Variants in CHN2 observed in about 807,000 individuals in gnomAD.
The protein encoded by CHN2 is beta-chimaerin.
A neutral mutation model predicts 56.3 loss-of-function variants in CHN2; 35 were observed. The observed-to-expected ratio is 0.62, with a 90% CI of 0.47 to 0.82. The LOEUF is 0.82. CHN2 is among the 40% of genes least tolerant of loss of function. The pLI is 0.00. For missense variants in CHN2, 491 were observed against 580.5 expected (o/e 0.85, Z 1.58); for synonymous variants, 210 against 212.8 (o/e 0.99, Z 0.12).
chr7:29,479,873 G>T, intron 6 of CHN2: 7 of 1,384,578 alleles, frequency 5.1e-6, no homozygotes, highest in Non-Finnish European at 6.5e-6. Context: ...GTTTGCTATT[G>T]TTCCAGGCGC....
chr7:29,422,419 TCTGA>T (rs1171897512), intron 6 of CHN2, among the ~76,000 whole-genome samples: 1 of 152,200 alleles, frequency 6.6e-6, no homozygotes, highest in Non-Finnish European at 1.5e-5. Flanking sequence ...AAATGAAGTC[TCTGA>T]CTGTGATGTT....
In CHN2 at chr7:29,253,315, C is replaced by T. The variant is rs1179500410; in HGVS notation, c.49+58325C>T. ...GCTGCCCTACCTACAGCCTCACTTG[C>T]TCATTCCAGCAGAAAGAAGTGTCAA... On this transcript the variant is annotated intron_variant, in intron 1 of 12. Coordinates refer to ENST00000222792, the MANE Select transcript of CHN2 (RefSeq NM_004067.4). Among the ~76,000 whole-genome samples the T allele has an allele frequency of 2.0e-5, 3 of 152,342 alleles. No homozygotes were observed. The East Asian group carries it at 5.8e-4, about 29-fold the overall frequency.
chr7:29,365,739 G>A (rs1014895749), intron 2 of CHN2, among the ~76,000 whole-genome samples: 1 of 152,182 alleles, frequency 6.6e-6, no homozygotes, highest in African/African-American at 2.4e-5. Context: ...GAAGGAGACA[G>A]GCAAAAGCAT....
At chr7:29,323,818 A>G (rs1347232902) in intron 1 of CHN2, among the ~76,000 whole-genome samples, 1 of 122,022 alleles carries the variant, frequency 8.2e-6, no homozygotes, top group Non-Finnish European at 1.7e-5. Context: ...TAACATGGTG[A>G]AACCCCGTTT....
intron 6 of CHN2, among the ~76,000 whole-genome samples, chr7:29,443,343 G>A (rs900765480): frequency 2.0e-5 from 3 of 152,216 alleles, no homozygotes; most frequent in Non-Finnish European, 4.4e-5. Context: ...GTCAACAGCA[G>A]ATCACATATA....
At chr7:29,365,183 C>G (rs1268245064) in intron 2 of CHN2, among the ~76,000 whole-genome samples, 2 of 152,196 alleles carry the variant, frequency 1.3e-5, no homozygotes, top group Non-Finnish European at 2.9e-5. Flanking sequence ...AAAAGATGAT[C>G]CCTGCCAGCC....
intron 7 of CHN2, among the ~76,000 whole-genome samples, chr7:29,495,240 A>G (rs1371674901): frequency 6.6e-6 from 1 of 152,182 alleles, no homozygotes; most frequent in African/African-American, 2.4e-5. Context: ...CAAAATAATC[A>G]GAGATAAGAC....
chr7:29,485,821 C>G (rs574663429), intron 7 of CHN2, among the ~76,000 whole-genome samples: 86 of 152,210 alleles, frequency 5.7e-4, no homozygotes, highest in African/African-American at 1.7e-3. Context: ...GCCCTTCCCC[C>G]ACTCAGCCTG....
intron 6 of CHN2, among the ~76,000 whole-genome samples, chr7:29,425,008 A>G (rs992277922): frequency 1.2e-4 from 18 of 152,244 alleles, no homozygotes; most frequent in African/African-American, 4.1e-4. Flanking sequence ...ACCTGCATCA[A>G]GAGATTTGAC....
intron 6 of CHN2, among the ~76,000 whole-genome samples, chr7:29,461,510 G>A (rs190208228): frequency 5.5e-4 from 84 of 152,220 alleles, no homozygotes; most frequent in Non-Finnish European, 9.3e-4. Context: ...TTTATTTTCA[G>A]GCAATAAATG....
At chr7:29,365,826 T>C (rs984527030) in intron 2 of CHN2, among the ~76,000 whole-genome samples, 3 of 152,176 alleles carry the variant, frequency 2.0e-5, no homozygotes, top group Non-Finnish European at 4.4e-5. Flanking sequence ...CATGGTCTGA[T>C]TGATATTTTA....
chr7:29,357,600 G>A (rs956727963), intron 2 of CHN2, among the ~76,000 whole-genome samples: 38 of 152,146 alleles, frequency 2.5e-4, no homozygotes, highest in Non-Finnish European at 4.9e-4. Flanking sequence ...TCTAGTCAAG[G>A]AGACAGATGT....
chr7:29,341,017 G>T (rs555770016), intron 1 of CHN2, among the ~76,000 whole-genome samples: 4 of 152,282 alleles, frequency 2.6e-5, no homozygotes, highest in Admixed American at 1.3e-4. Context: ...TGAGTGTCTA[G>T]CCCCGTCTCT....
At chr7:29,420,912 C>T (rs1475882609) in intron 6 of CHN2, among the ~76,000 whole-genome samples, 5 of 151,620 alleles carry the variant, frequency 3.3e-5, no homozygotes, top group Admixed American at 6.6e-5. Flanking sequence ...CAGGTTCAAG[C>T]GATTCTTCTG....
At chr7:29,451,434 G>A (rs903314841) in intron 6 of CHN2, among the ~76,000 whole-genome samples, 1 of 152,126 alleles carries the variant, frequency 6.6e-6, no homozygotes, top group Admixed American at 6.5e-5. Flanking sequence ...AATGGGTACA[G>A]AAGTACAGAG....
At chr7:29,369,735 C>T (rs528022412) in intron 3 of CHN2, among the ~76,000 whole-genome samples, 2 of 152,246 alleles carry the variant, frequency 1.3e-5, no homozygotes, top group Admixed American at 1.3e-4. Context: ...TCCTAGAGTT[C>T]CACTGAAACT....
At chr7:29,313,466 C>G (rs974726446) in intron 1 of CHN2, among the ~76,000 whole-genome samples, 1 of 151,808 alleles carries the variant, frequency 6.6e-6, no homozygotes, top group Non-Finnish European at 1.5e-5. Context: ...TGTCAGCTCA[C>G]TCTCAGAAAA....
intron 6 of CHN2, among the ~76,000 whole-genome samples, chr7:29,405,128 A>C (rs2128089915): frequency 6.8e-6 from 1 of 147,114 alleles, no homozygotes; most frequent in South Asian, 2.2e-4. Context: ...ACCCTGAATA[A>C]AGAAACATTC....
At chr7:29,251,996 T>G (rs1473179507) in intron 1 of CHN2, among the ~76,000 whole-genome samples, 2 of 152,090 alleles carry the variant, frequency 1.3e-5, no homozygotes, top group Non-Finnish European at 2.9e-5. Context: ...TTCATTCTCA[T>G]TAACCCACAA....
Sources: allele counts gnomAD v4.1 joint callset (sites outside exome capture counted in the v4.1 genomes callset), GRCh38; gene constraint gnomAD v4.1.1; transcripts MANE v1.5; gene names NCBI Gene and HGNC (gene_info 2026-07-23, HGNC 2026-07-21).